Variants in ARHGEF38 observed in about 807,000 individuals in gnomAD.
The protein encoded by ARHGEF38 is Rho guanine nucleotide exchange factor (GEF) 38.
A neutral mutation model predicts 79.9 loss-of-function variants in ARHGEF38; 79 were observed. The ratio of observed to expected loss-of-function variants is 0.99; its 90% CI spans 0.82 to 1.19. The LOEUF (loss-of-function observed/expected upper bound fraction) is 1.19. Among genes scored for constraint, ARHGEF38 ranks in the 50% most tolerant of loss-of-function variants. The probability of loss-of-function intolerance (pLI) is 0.00; values close to 1 mark genes in which losing one functional copy is unlikely to be tolerated. For missense variants in ARHGEF38, 962 were observed against 907.2 expected (o/e 1.06, Z -0.78); for synonymous variants, 366 against 328.3 (o/e 1.11, Z -1.24).
intron 13 of ARHGEF38, among the ~76,000 whole-genome samples, chr4:105,670,525 A>T (rs1258904250): frequency 6.6e-6 from 1 of 152,066 alleles, no homozygotes; most frequent in Non-Finnish European, 1.5e-5. Context: ...GTTCTTTATA[A>T]ACCTGAGTGC....
At chr4:105,576,377 A>G (rs1414329968) in intron 1 of ARHGEF38, among the ~76,000 whole-genome samples, 1 of 144,284 alleles carries the variant, frequency 6.9e-6, no homozygotes, top group Non-Finnish European at 1.5e-5. Flanking sequence ...TTGGTTAAGT[A>G]TATTCTTAGT....
At chr4:105,590,152 GAA>G (rs1727269989) in intron 2 of ARHGEF38, among the ~76,000 whole-genome samples, 3 of 151,928 alleles carry the variant, frequency 2.0e-5, no homozygotes, top group Admixed American at 2.0e-4. Context: ...AAGAAAGAAA[GAA>G]AGAGAGAGAG....
chr4:105,679,393 C>A lies in ARHGEF38; in HGVS notation c.*1456C>A. 1 of 1,393,414 alleles carries A rather than the reference C, an allele frequency of 7.2e-7. No homozygotes were observed. 86.3% of individuals were successfully genotyped at this position (1,393,414 alleles called of 1,614,324 possible). On this transcript the variant is annotated 3_prime_UTR_variant, in exon 14 of 14. Coordinates refer to ENST00000420470, the MANE Select transcript of ARHGEF38 (RefSeq NM_001242729.2). Reference sequence around the variant, plus strand: ...CACACTCTGGTAATCTGAGACACTGCATTACTATTCAGCTTTCTAAGTTCT... The same window carrying A: ...CACACTCTGGTAATCTGAGACACTGAATTACTATTCAGCTTTCTAAGTTCT...
chr4:105,641,323 G>A (rs983526142), intron 5 of ARHGEF38, among the ~76,000 whole-genome samples: 2 of 151,946 alleles, frequency 1.3e-5, no homozygotes, highest in Admixed American at 6.6e-5. Context: ...ATTAACATTT[G>A]CAAAATGATT....
intron 2 of ARHGEF38, among the ~76,000 whole-genome samples, chr4:105,589,751 G>A (rs751604707): frequency 3.3e-5 from 5 of 152,174 alleles, no homozygotes; most frequent in Admixed American, 6.5e-5. Flanking sequence ...AAGGGGACAA[G>A]GCCGGGTGCT....
intron 3 of ARHGEF38, among the ~76,000 whole-genome samples, chr4:105,620,051 G>A (rs76224304): frequency 2.2e-3 from 329 of 152,244 alleles, no homozygotes; most frequent in African/African-American, 7.5e-3. Context: ...GTTTGGATAA[G>A]GTTTAAGTTT....
At chr4:105,606,517 T>A (rs1451290217) in intron 2 of ARHGEF38, among the ~76,000 whole-genome samples, 1 of 152,122 alleles carries the variant, frequency 6.6e-6, no homozygotes, top group Non-Finnish European at 1.5e-5. Context: ...AAGCAATGTT[T>A]ATTTGTTAAT....
At chr4:105,630,815 C>A in intron 3 of ARHGEF38, 83 bp from the exon 4 acceptor site, 2 of 1,267,184 alleles carry the variant, frequency 1.6e-6, no homozygotes, top group Non-Finnish European at 2.1e-6. Flanking sequence ...GTTTTTGACA[C>A]GAGTCGACAT....
rs909216781 is a variant in ARHGEF38 at position 105,667,299 on chromosome 4, T to A, written c.1860T>A (p.Ser620Arg). The A allele has an allele frequency of 7.2e-6, 11 of 1,535,960 alleles. No individual in the cohort carries two copies. The African/African-American group carries it at 1.2e-4, about 17-fold the overall frequency. ...TAGAACAGAAAGATCCACTGGGGAG[T>A]ACAAGCAGGTGGCTTGTGGACACAG... is the stretch of plus-strand genomic sequence containing the variant. ...AVIEQKDPLG[S>R]TSRWLVDTGN... Residue 620 changes from serine (S) to arginine (R), a missense_variant, in exon 12 of 14, where the codon AGT (serine) becomes AGA (arginine). By Grantham distance (110) the Ser-to-Arg change is moderately radical. Coordinates refer to ENST00000420470, the MANE Select transcript of ARHGEF38 (RefSeq NM_001242729.2).
intron 13 of ARHGEF38, among the ~76,000 whole-genome samples, chr4:105,676,829 C>T (rs1731139804): frequency 6.6e-6 from 1 of 151,910 alleles, no homozygotes; most frequent in South Asian, 2.1e-4. Flanking sequence ...TATAATTGTA[C>T]CATTCAAAGA....
intron 2 of ARHGEF38, among the ~76,000 whole-genome samples, chr4:105,602,642 T>C (rs1201746513): frequency 6.6e-6 from 1 of 152,030 alleles, no homozygotes; most frequent in African/African-American, 2.4e-5. Context: ...TGGAATTTAG[T>C]GGTACAGCTA....
chr4:105,665,512 G>A (rs1730717663), intron 10 of ARHGEF38, among the ~76,000 whole-genome samples: 1 of 151,954 alleles, frequency 6.6e-6, no homozygotes, highest in East Asian at 1.9e-4. Context: ...TAGTTGCCCA[G>A]GCTGGTCTTG....
At chr4:105,646,893 A>G (rs1729865645) in intron 6 of ARHGEF38, among the ~76,000 whole-genome samples, 1 of 152,120 alleles carries the variant, frequency 6.6e-6, no homozygotes, top group Admixed American at 6.5e-5. Context: ...ATACTATTTT[A>G]TAAAGTTTTA....
chr4:105,658,926 C>T (rs1730447337), intron 9 of ARHGEF38, 128 bp from the exon 10 acceptor site: 2 of 757,610 alleles, frequency 2.6e-6, no homozygotes, highest in Admixed American at 2.9e-5. Context: ...CTCTTTTAAT[C>T]TGGGTAGGTG....
intron 2 of ARHGEF38, among the ~76,000 whole-genome samples, chr4:105,610,587 T>C (rs11931966): frequency 0.013 from 1,918 of 152,158 alleles, 31 homozygotes; most frequent in African/African-American, 0.036. Flanking sequence ...GTTTTAAAAG[T>C]CTACGTGTAC....
intron 3 of ARHGEF38, among the ~76,000 whole-genome samples, chr4:105,616,577 C>A (rs1056590539): frequency 6.6e-6 from 1 of 152,128 alleles, no homozygotes; most frequent in Non-Finnish European, 1.5e-5. Flanking sequence ...AATCACCTCC[C>A]ACCAGGCCCC....
intron 8 of ARHGEF38, 75 bp downstream of exon 8, chr4:105,654,244 G>A: frequency 1.1e-6 from 1 of 900,988 alleles, no homozygotes; most frequent in South Asian, 2.4e-5. Context: ...TGGTTGTTTT[G>A]AAGAGTAAAT....
chr4:105,679,310 A>T lies in ARHGEF38; in HGVS notation c.*1373A>T. ...GCCGGAATCATGCCACTTTGCCTGT[A>T]ACCTTTGACTCAATTGGAGGAATAT... On this transcript the variant is annotated 3_prime_UTR_variant, in exon 14 of 14. Coordinates refer to ENST00000420470, the MANE Select transcript of ARHGEF38 (RefSeq NM_001242729.2). The T allele has an allele frequency of 2.5e-6, 2 of 806,776 alleles. No individual in the cohort carries two copies. Among genetic ancestry groups the T allele is most frequent in the South Asian group, 3.1e-5 (2 of 64,994 alleles). The allele number at this position is 806,776 out of a possible 1,614,324, so 50.0% of individuals were successfully genotyped here.
At chr4:105,561,434 A>AGAATAGAATGGAATG (rs1725552961) in intron 1 of ARHGEF38, among the ~76,000 whole-genome samples, 1 of 47,030 alleles carries the variant, frequency 2.1e-5, no homozygotes, top group Non-Finnish European at 4.0e-5. Context: ...GGAATAGAAT[A>AGAATAGAATGGAATG]GAATAGAATA....
Sources: gnomAD v4.1 joint callset for allele counts (sites outside exome capture counted in the v4.1 genomes callset) on GRCh38, gnomAD v4.1.1 for gene constraint, MANE v1.5 for transcripts, NCBI Gene and HGNC (gene_info 2026-07-23, HGNC 2026-07-21) for gene names.